The following COG7 variants were observed in gnomAD, a reference collection of about 807,000 sequenced individuals.
COG7 encodes component of oligomeric golgi complex 7, also known as conserved oligomeric Golgi complex subunit 7.
A neutral mutation model predicts 91.5 loss-of-function variants in COG7; 49 were observed. The ratio of observed to expected loss-of-function variants is 0.54; its 90% CI spans 0.43 to 0.68. The LOEUF (loss-of-function observed/expected upper bound fraction) is 0.68. COG7 is among the 30% of genes least tolerant of loss of function. The probability of loss-of-function intolerance (pLI) is 0.00; values close to 1 mark genes in which losing one functional copy is unlikely to be tolerated. For missense variants in COG7, 895 were observed against 961.3 expected, an observed-to-expected ratio of 0.93 and a Z score of 0.91; for synonymous variants, 365 against 388.7, an observed-to-expected ratio of 0.94 and a Z score of 0.72.
rs1330049754 is a variant in COG7, at chr16:23,389,080, A to G, written c.2153T>C (p.Leu718Pro). The change falls in exon 17 of 17, where the codon CTG becomes CCG. Residue 718 changes from leucine (L) to proline (P), a missense_variant. Transcript: ENST00000307149. ...AKQLATDIDY[L>P]INVMDALGLQ... ...GCCCAGGGCATCCATCACGTTGATC[A>G]GATAGTCTGTGGGGGCGGAGAGGAG... 8 of 1,613,798 alleles carry G rather than the reference A, an allele frequency of 5.0e-6. No individual in the cohort carries two copies. Among genetic ancestry groups the G allele is most frequent in the Non-Finnish European group, 6.8e-6 (8 of 1,179,996 alleles).
chr16:23,420,910 ATTTTTTTTTTTTT>A (rs72250117), intron 7 of COG7, among the ~76,000 whole-genome samples: 2 of 118,486 alleles, frequency 1.7e-5, no homozygotes, highest in African/African-American at 3.5e-5. Context: ...TACCTGGCTA[ATTTTTTTTTTTTT>A]TTTTTTTTTT....
At chr16:23,399,239 G>T (rs1169869114) in intron 13 of COG7, among the ~76,000 whole-genome samples, 1 of 152,134 alleles carries the variant, frequency 6.6e-6, no homozygotes, top group Non-Finnish European at 1.5e-5. Context: ...TATTTTCTTT[G>T]ATGTAAATGA....
At chr16:23,402,763 C>T (rs1963398724) in intron 13 of COG7, among the ~76,000 whole-genome samples, 1 of 152,186 alleles carries the variant, frequency 6.6e-6, no homozygotes, top group Non-Finnish European at 1.5e-5. Flanking sequence ...GTGAAAATCA[C>T]AAACTTCAAG....
chr16:23,403,638 T>C, intron 13 of COG7, 56 bp downstream of exon 13: 1 of 1,597,658 alleles, frequency 6.3e-7, no homozygotes, highest in Non-Finnish European at 8.6e-7. Flanking sequence ...ACACTCAGTA[T>C]GCTTGAGTTG....
Position 23,445,832 on chromosome 16 carries a change from T to A in COG7, c.299A>T (p.Asp100Val). 6.2e-7 allele frequency: 1 copy of A among 1,613,582 alleles called. No individual in the cohort carries two copies. The highest frequency in any genetic ancestry group is 8.5e-7 in the Non-Finnish European group (1 of 1,179,864). ...AAATACCTGCATGGATTGAGATGTG[T>A]CCTGTTCAAATTTTTTAATGTCCTC... ...VKEDIKKFEQDTSQSMQVLVE... is the reference protein window; with the variant it reads ...VKEDIKKFEQVTSQSMQVLVE... Residue 100 changes from aspartate (D) to valine (V), a missense_variant, in exon 2 of 17, where the codon GAC (aspartate) becomes GTC (valine). By Grantham distance (152) the Asp-to-Val change is radical. Transcript: ENST00000307149.
chr16:23,437,239 G>A (rs1964026914), intron 4 of COG7, among the ~76,000 whole-genome samples: 1 of 152,060 alleles, frequency 6.6e-6, no homozygotes, highest in African/African-American at 2.4e-5. Context: ...GAACCACCAG[G>A]CATCACTCAA....
At chr16:23,389,649 A>G (rs775983005) in intron 16 of COG7, among the ~76,000 whole-genome samples, 85 of 152,188 alleles carry the variant, frequency 5.6e-4, no homozygotes, top group Non-Finnish European at 1.0e-3. Context: ...AAAGACCTCC[A>G]GTCAGAACGC....
intron 6 of COG7, among the ~76,000 whole-genome samples, chr16:23,430,645 G>A (rs1237569493): frequency 2.0e-5 from 3 of 151,576 alleles, no homozygotes; most frequent in Non-Finnish European, 1.5e-5. Flanking sequence ...AGGTTCAAGC[G>A]ATTCTCCTGC....
intron 14 of COG7, 69 bp from the exon 15 acceptor site, chr16:23,393,416 G>T: frequency 8.1e-7 from 1 of 1,231,564 alleles, no homozygotes. Flanking sequence ...GGGTACATTT[G>T]TGTGAAGGCA....
chr16:23,409,965 C>T (rs1330066683), intron 11 of COG7, among the ~76,000 whole-genome samples: 1 of 152,124 alleles, frequency 6.6e-6, no homozygotes, highest in Non-Finnish European at 1.5e-5. Flanking sequence ...TATTTTTAGT[C>T]CCAACAACTA....
In COG7 at chr16:23,392,439, G is replaced by A. The variant is rs376170815; in HGVS notation, c.2087C>T (p.Ala696Val). The A allele has an allele frequency of 4.2e-5, 68 of 1,614,186 alleles. No individual in the cohort carries two copies. The highest frequency in any genetic ancestry group is 4.2e-4 in the Admixed American group (25 of 60,024). The change falls in exon 16 of 17, where the codon GCG (alanine) becomes GTG (valine). Residue 696 changes from alanine to valine, a missense_variant. Transcript: ENST00000307149. ...ARATMQTYCD[A>V]ILQIPELSPH... ...GCTCAGCTCAGGGATCTGTAGGATC[G>A]CATCACAGTAGGTCTGCATTGTGGC...
At chr16:23,411,512 A>C (rs1963561238) in intron 10 of COG7, among the ~76,000 whole-genome samples, 1 of 152,166 alleles carries the variant, frequency 6.6e-6, no homozygotes, top group African/African-American at 2.4e-5. Flanking sequence ...ATTTTTTTTA[A>C]ATTTTATTTT....
At chr16:23,419,354 T>G (rs1408681627) in intron 7 of COG7, among the ~76,000 whole-genome samples, 1 of 148,254 alleles carries the variant, frequency 6.7e-6, no homozygotes, top group Non-Finnish European at 1.5e-5. Context: ...GAGGTTGTGG[T>G]GAGCTGAGAT....
intron 13 of COG7, among the ~76,000 whole-genome samples, chr16:23,402,209 C>T (rs1963389084): frequency 6.6e-6 from 1 of 152,118 alleles, no homozygotes; most frequent in South Asian, 2.1e-4. Context: ...TCCATTTCTT[C>T]CTATAGATCT....
intron 12 of COG7, 122 bp downstream of exon 12, chr16:23,405,954 G>T: frequency 1.2e-6 from 1 of 843,620 alleles, no homozygotes; most frequent in Non-Finnish European, 2.1e-6. Context: ...CAGAGAGGTA[G>T]TAGCAGGGTA....
At chr16:23,407,215 A>G (rs1470215544) in intron 11 of COG7, among the ~76,000 whole-genome samples, 1 of 152,222 alleles carries the variant, frequency 6.6e-6, no homozygotes, top group African/African-American at 2.4e-5. Context: ...CACTGCTGAC[A>G]TAAGCAGCTA....
At chr16:23,400,969 C>CA (rs1221183083) in intron 13 of COG7, among the ~76,000 whole-genome samples, 262 of 99,886 alleles carry the variant, frequency 2.6e-3, no homozygotes, top group African/African-American at 7.5e-3. Flanking sequence ...GACTTTGTCT[C>CA]AAAAAAAAAA....
chr16:23,445,251 C>T (rs2142095904), intron 2 of COG7, 87 bp from the exon 3 acceptor site: 1 of 929,638 alleles, frequency 1.1e-6, no homozygotes, highest in Non-Finnish European at 1.8e-6. Flanking sequence ...AGTATGGTGG[C>T]TTGCTTCTGT....
intron 16 of COG7, chr16:23,391,810 G>A: frequency 4.7e-6 from 1 of 210,864 alleles, no homozygotes; most frequent in Non-Finnish European, 9.5e-6. Context: ...AGTGAAGAGG[G>A]CAGGCAGGAG....
Sources: gnomAD v4.1 joint callset for allele counts (sites outside exome capture counted in the v4.1 genomes callset) on GRCh38, gnomAD v4.1.1 for gene constraint, MANE v1.5 for transcripts, NCBI Gene and HGNC (gene_info 2026-07-23, HGNC 2026-07-21) for gene names.